The following CAMK4 variants were observed in gnomAD, a reference collection of about 807,000 sequenced individuals.
CAMK4 encodes calcium/calmodulin dependent protein kinase IV.
CAMK4 carries 22 observed loss-of-function variants against 44.9 expected under a neutral mutation model. The ratio of observed to expected loss-of-function variants is 0.49; its 90% CI spans 0.35 to 0.70. The LOEUF (loss-of-function observed/expected upper bound fraction) is 0.70, where lower values mean the gene tolerates loss of function less well. CAMK4 is among the 30% of genes least tolerant of loss of function. The pLI is 0.01. For synonymous variants in CAMK4, 218 were observed against 215.4 expected (o/e 1.01, Z -0.11); for missense variants, 498 against 586.8 (o/e 0.85, Z 1.56).
intron 5 of CAMK4, among the ~76,000 whole-genome samples, chr5:111,436,276 T>C (rs1054953385): frequency 6.6e-6 from 1 of 152,200 alleles, no homozygotes; most frequent in Non-Finnish European, 1.5e-5. Context: ...TATGTATAAA[T>C]AGACAGGAAA....
At chr5:111,301,197 C>A (rs1165631161) in intron 1 of CAMK4, among the ~76,000 whole-genome samples, 1 of 151,988 alleles carries the variant, frequency 6.6e-6, no homozygotes, top group African/African-American at 2.4e-5. Flanking sequence ...ATATTTCAGG[C>A]AACATCTCTT....
chr5:111,242,451 C>A lies in CAMK4; in HGVS notation c.161+17807C>A, dbSNP rs542853146. On this transcript the variant is annotated intron_variant, in intron 1 of 10. Transcript: ENST00000282356. ...ATATACTTTAAATCCGTTCCCTCCT[C>A]TGTGTGGCCACTGATCTTTTTCATT... Among the ~76,000 whole-genome samples, 3 of 152,298 alleles carry A rather than the reference C, an allele frequency of 2.0e-5. 1 individual carries two copies. In the South Asian group the frequency reaches 6.2e-4, roughly 32 times the overall value.
chr5:111,369,915 C>T (rs1274923649), intron 2 of CAMK4, among the ~76,000 whole-genome samples: 1 of 151,782 alleles, frequency 6.6e-6, no homozygotes, highest in Non-Finnish European at 1.5e-5. Flanking sequence ...ATTTACTTCC[C>T]AAATATTTTC....
chr5:111,321,069 CT>C lies in CAMK4; in HGVS notation c.162-22954del, dbSNP rs530617443. ...AAATAAGCTCTAATAATTGATAATC[CT>C]ACCTACACCCCTGGAAGTGAGCCTT... On this transcript the variant is annotated intron_variant, in intron 1 of 10. Transcript: ENST00000282356. 1.2e-4 allele frequency among the ~76,000 whole-genome samples: 18 copies of C among 152,204 alleles called. No homozygotes were observed. In the South Asian group the frequency reaches 3.7e-3, roughly 32 times the overall value.
At chr5:111,458,127 C>T (rs1231454104) in intron 7 of CAMK4, among the ~76,000 whole-genome samples, 1 of 152,166 alleles carries the variant, frequency 6.6e-6, no homozygotes, top group Non-Finnish European at 1.5e-5. Context: ...GACCATAGCC[C>T]TACTTTCTCC....
intron 1 of CAMK4, among the ~76,000 whole-genome samples, chr5:111,317,091 G>C (rs1424371823): frequency 6.6e-6 from 1 of 152,056 alleles, no homozygotes; most frequent in Non-Finnish European, 1.5e-5. Flanking sequence ...TAAAGGACAT[G>C]GGCTTGGAAC....
At chr5:111,451,084 G>A (rs1417537573) in intron 7 of CAMK4, among the ~76,000 whole-genome samples, 1 of 152,056 alleles carries the variant, frequency 6.6e-6, no homozygotes, top group African/African-American at 2.4e-5. Flanking sequence ...TAGAATTTTA[G>A]TGCTGGAAGG....
intron 1 of CAMK4, among the ~76,000 whole-genome samples, chr5:111,227,190 G>T (rs558294669): frequency 6.6e-6 from 1 of 152,244 alleles, no homozygotes; most frequent in East Asian, 1.9e-4. Flanking sequence ...TACTATTCTA[G>T]ATATAATTAT....
intron 2 of CAMK4, among the ~76,000 whole-genome samples, chr5:111,352,368 G>T (rs200183571): frequency 2.9e-5 from 4 of 139,626 alleles, no homozygotes; most frequent in Non-Finnish European, 6.3e-5. Flanking sequence ...GTTCACAAAT[G>T]GCAAAATATT....
chr5:111,419,597 A>G (rs929463886), intron 5 of CAMK4, among the ~76,000 whole-genome samples: 1 of 152,136 alleles, frequency 6.6e-6, no homozygotes, highest in Non-Finnish European at 1.5e-5. Context: ...TAAGTCTTTT[A>G]TCCATCTTGA....
chr5:111,319,628 G>A (rs2112690606), intron 1 of CAMK4, among the ~76,000 whole-genome samples: 1 of 152,162 alleles, frequency 6.6e-6, no homozygotes, highest in Middle Eastern at 3.4e-3. Flanking sequence ...GCTTATAAAG[G>A]GCAGGCCTGT....
chr5:111,437,161 T>G (rs540726846), intron 5 of CAMK4, among the ~76,000 whole-genome samples: 2 of 152,350 alleles, frequency 1.3e-5, no homozygotes, highest in African/African-American at 4.8e-5. Flanking sequence ...GTTTAATAAG[T>G]GCAAAGATGC....
At chr5:111,425,488 C>A (rs1362367121) in intron 5 of CAMK4, among the ~76,000 whole-genome samples, 1 of 152,168 alleles carries the variant, frequency 6.6e-6, no homozygotes, top group Non-Finnish European at 1.5e-5. Context: ...AGAACAGATC[C>A]TTTTTCCTTT....
At chr5:111,375,096 T>C (rs1285479541) in intron 3 of CAMK4, among the ~76,000 whole-genome samples, 184 bp downstream of exon 3, 1 of 152,172 alleles carries the variant, frequency 6.6e-6, no homozygotes, top group East Asian at 1.9e-4. Context: ...TTACAAGTAA[T>C]ACCTCTGAAA....
At chr5:111,400,295 A>C (rs1752177088) in intron 5 of CAMK4, among the ~76,000 whole-genome samples, 1 of 152,268 alleles carries the variant, frequency 6.6e-6, no homozygotes, top group South Asian at 2.1e-4. Flanking sequence ...GGTAGAAAGC[A>C]AAGCAATTTA....
At chr5:111,446,852 A>T (rs1425089919) in intron 6 of CAMK4, 76 bp downstream of exon 6, 1 of 837,686 alleles carries the variant, frequency 1.2e-6, no homozygotes, top group African/African-American at 1.7e-5. Context: ...ATTTTTAAAT[A>T]TTGCTCCATC....
chr5:111,399,084 TA>T (rs113879592), intron 5 of CAMK4, among the ~76,000 whole-genome samples: 77 of 148,636 alleles, frequency 5.2e-4, no homozygotes, highest in Middle Eastern at 3.5e-3. Flanking sequence ...ACATTGAAAG[TA>T]AAAAAAAAAA....
chr5:111,364,639 C>T (rs767017597), intron 2 of CAMK4, among the ~76,000 whole-genome samples: 6 of 152,084 alleles, frequency 3.9e-5, no homozygotes, highest in Admixed American at 1.3e-4. Flanking sequence ...CTGGGTTAAG[C>T]TTCCCAGAGG....
At chr5:111,235,467 C>T (rs918075588) in intron 1 of CAMK4, among the ~76,000 whole-genome samples, 132 of 152,272 alleles carry the variant, frequency 8.7e-4, no homozygotes, top group African/African-American at 3.0e-3. Context: ...TCCTGAGGGA[C>T]CCTGGGCTCT....
Sources: allele counts gnomAD v4.1 joint callset (sites outside exome capture counted in the v4.1 genomes callset), GRCh38; gene constraint gnomAD v4.1.1; transcripts MANE v1.5; gene names NCBI Gene and HGNC (gene_info 2026-07-23, HGNC 2026-07-21).